LPIN3: variants seen among roughly 807,000 people sequenced by gnomAD.
The protein encoded by LPIN3 is lipin 3.
Under a neutral mutation model 94.7 loss-of-function variants are expected in LPIN3, and 82 were observed. That is an observed-to-expected ratio of 0.87 (90% CI 0.72 to 1.04). The LOEUF is 1.04. Among genes scored for constraint, LPIN3 ranks in the 50% least tolerant of loss-of-function variants. The pLI, the probability that LPIN3 is intolerant of heterozygous loss-of-function variation, is 0.00. For synonymous variants in LPIN3, 418 were observed against 443.3 expected, an observed-to-expected ratio of 0.94 and a Z score of 0.72; for missense variants, 996 against 1,090.5, an observed-to-expected ratio of 0.91 and a Z score of 1.22.
chr20:41,341,181 G>A (rs1279274894), intron 1 of LPIN3, among the ~76,000 whole-genome samples, 179 bp downstream of exon 1: 1 of 152,172 alleles, frequency 6.6e-6, no homozygotes, highest in Non-Finnish European at 1.5e-5. Flanking sequence ...CTGGCCCAGC[G>A]GCTGCAGGCC....
intron 13 of LPIN3, 57 bp from the exon 14 acceptor site, chr20:41,355,839 C>T (rs958001389): frequency 2.1e-5 from 33 of 1,600,472 alleles, no homozygotes; most frequent in Admixed American, 2.0e-4. Context: ...TGGCATCTCC[C>T]GGGAGTGAAG....
chr20:41,358,808 G>A lies in LPIN3; in HGVS notation c.2498G>A (p.Ser833Asn). Residue 833 changes from serine to asparagine, a missense_variant, in exon 20 of 20, where the codon AGT becomes AAT. Coordinates refer to ENST00000373257, the MANE Select transcript of LPIN3 (RefSeq NM_022896.3). ...ACAGACCTGGCCAACCCTGAATACA[G>A]TAACTTCTGCTACTGGCGGGAGCCA... ...PSTDLANPEY[S>N]NFCYWREPLP... The A allele has an allele frequency of 6.2e-7, 1 of 1,614,098 alleles. No homozygotes were observed. The highest frequency in any genetic ancestry group is 8.5e-7 in the Non-Finnish European group (1 of 1,180,010).
At position 41,357,890 on chromosome 20, in the gene LPIN3, A is replaced by G. The variant is rs762582110; in HGVS notation, c.2048A>G (p.Tyr683Cys). Reference sequence around the variant, plus strand: ...CTGTCCCCCACTCTCAGAAATGGGTACAAGTTCCTGTACTGCTCGGCGCGG... The same window carrying G: ...CTGTCCCCCACTCTCAGAAATGGGTGCAAGTTCCTGTACTGCTCGGCGCGG... ...SLYHKIQLNGYKFLYCSARAI... is the reference protein window; with the variant it reads ...SLYHKIQLNGCKFLYCSARAI... Residue 683 changes from tyrosine (Y) to cysteine (C), a missense_variant, in exon 17 of 20, where the codon TAC becomes TGC. Tyr to Cys is a radical substitution (Grantham distance 194). Coordinates refer to ENST00000373257, the MANE Select transcript of LPIN3 (RefSeq NM_022896.3). 1.9e-6 allele frequency: 3 copies of G among 1,614,076 alleles called. No homozygotes were observed. The highest frequency in any genetic ancestry group is 1.7e-6 in the Non-Finnish European group (2 of 1,179,984).
At position 41,350,326 on chromosome 20, in the gene LPIN3, A is replaced by C; in HGVS notation, c.1031A>C (p.Lys344Thr). 6.2e-7 allele frequency: 1 copy of C among 1,611,102 alleles called. No homozygotes were observed. The highest frequency in any genetic ancestry group is 8.5e-7 in the Non-Finnish European group (1 of 1,177,914). ...GACATGGGCCTCCCTCCTGCCTCCAAGTCATGGAGCTGGGCCACTCTGGAG... is the reference window on the plus strand; with the variant it reads ...GACATGGGCCTCCCTCCTGCCTCCACGTCATGGAGCTGGGCCACTCTGGAG... The part of the protein sequence containing the change: ...SGDMGLPPAS[K>T]SWSWATLEVP... The change falls in exon 7 of 20, where the codon AAG (lysine) becomes ACG (threonine). Residue 344 changes from lysine (K) to threonine (T), a missense_variant. Coordinates refer to ENST00000373257, the MANE Select transcript of LPIN3 (RefSeq NM_022896.3).
At chr20:41,354,516 A>T in intron 11 of LPIN3, 129 bp from the exon 12 acceptor site, 1 of 774,834 alleles carries the variant, frequency 1.3e-6, no homozygotes, top group Non-Finnish European at 2.0e-6. Context: ...TGGCCTCCAG[A>T]TGTTGACAGC....
intron 1 of LPIN3, among the ~76,000 whole-genome samples, chr20:41,344,718 C>T (rs2045706490): frequency 6.6e-6 from 1 of 152,184 alleles, no homozygotes; most frequent in Admixed American, 6.5e-5. Flanking sequence ...TGTGGGAAAG[C>T]TGGAGAGACC....
At chr20:41,347,745 C>A in intron 3 of LPIN3, 98 bp downstream of exon 3, 1 of 1,043,706 alleles carries the variant, frequency 9.6e-7, no homozygotes, top group East Asian at 2.6e-5. Context: ...CGCCCTTCCC[C>A]GGGAGCACCC....
intron 14 of LPIN3, among the ~76,000 whole-genome samples, 176 bp from the exon 15 acceptor site, chr20:41,356,864 G>C (rs2046224950): frequency 6.6e-6 from 1 of 152,180 alleles, no homozygotes; most frequent in African/African-American, 2.4e-5. Flanking sequence ...GCCACCCTCT[G>C]CCCACATGGA....
intron 9 of LPIN3, 83 bp downstream of exon 9, chr20:41,352,303 G>A (rs2046050356): frequency 1.3e-6 from 2 of 1,494,352 alleles, no homozygotes; most frequent in African/African-American, 1.4e-5. Flanking sequence ...TGTGAGGGTG[G>A]GGCAGTAGAG....
In LPIN3 at chr20:41,358,992, G is replaced by T. The variant is rs1207371851; in HGVS notation, c.*126G>T. ...CTGAAGGGGAAGGAGGAGGCTGCAG[G>T]TTGGTTGGCAGCTAGAGAGACTCCC... On this transcript the variant is annotated 3_prime_UTR_variant, in exon 20 of 20. Transcript: ENST00000373257. 3.9e-6 allele frequency: 5 copies of T among 1,279,146 alleles called. No homozygotes were observed. In the Admixed American group the frequency reaches 9.1e-5, roughly 23 times the overall value. The allele number at this position is 1,279,146 out of a possible 1,614,324, so 79.2% of individuals were successfully genotyped here. A position where few individuals can be genotyped will look rare whatever the true frequency, so the allele number is the denominator to read the frequency against.
rs745707617 is a variant in LPIN3 at position 41,358,771 on chromosome 20, C to T, written c.2461C>T (p.Arg821Cys). The T allele has an allele frequency of 1.9e-5, 30 of 1,613,988 alleles. No homozygotes were observed. In the Admixed American group the frequency reaches 2.7e-4, roughly 14 times the overall value. ...CGAGCTCCTCTTCCCACCTGTGGCCCGTGGCCCCAGCACAGACCTGGCCAA... is the reference window on the plus strand; with the variant it reads ...CGAGCTCCTCTTCCCACCTGTGGCCTGTGGCCCCAGCACAGACCTGGCCAA... ...VVELLFPPVA[R>C]GPSTDLANPE... Residue 821 changes from arginine to cysteine, a missense_variant, in exon 20 of 20, where the codon CGT (arginine) becomes TGT (cysteine). By Grantham distance (180) the Arg-to-Cys change is radical. Coordinates refer to ENST00000373257, the MANE Select transcript of LPIN3 (RefSeq NM_022896.3).
At chr20:41,351,650 A>C (rs900181257) in intron 7 of LPIN3, among the ~76,000 whole-genome samples, 171 bp from the exon 8 acceptor site, 2 of 152,148 alleles carry the variant, frequency 1.3e-5, no homozygotes, top group Admixed American at 1.3e-4. Flanking sequence ...CTCAATAGCC[A>C]CATGTGGCTA....
chr20:41,355,419 C>A (rs2046175150), intron 13 of LPIN3, among the ~76,000 whole-genome samples: 2 of 152,206 alleles, frequency 1.3e-5, no homozygotes, highest in Admixed American at 1.3e-4. Context: ...AGAGCTGACA[C>A]AGGTCCTCAG....
In LPIN3 at chr20:41,357,919, A is replaced by T. The variant is rs1279647359; in HGVS notation, c.2077A>T (p.Ile693Phe). Residue 693 changes from isoleucine to phenylalanine, a missense_variant, in exon 17 of 20, where the codon ATT becomes TTT. Coordinates refer to ENST00000373257, the MANE Select transcript of LPIN3 (RefSeq NM_022896.3). ...YKFLYCSARA[I>F]GMADLTKGYL... ...GTTCCTGTACTGCTCGGCGCGGGCC[A>T]TTGGCATGGCGGACCTCACCAAGGG... 3 of 1,614,092 alleles carry T rather than the reference A, an allele frequency of 1.9e-6. No individual in the cohort carries two copies. In the South Asian group the frequency reaches 3.3e-5, roughly 18 times the overall value.
At chr20:41,344,320 A>G (rs1183279010) in intron 1 of LPIN3, among the ~76,000 whole-genome samples, 2 of 152,198 alleles carry the variant, frequency 1.3e-5, no homozygotes, top group East Asian at 1.9e-4. Context: ...AGAGCTGGAT[A>G]TGAGTCTTTA....
intron 2 of LPIN3, among the ~76,000 whole-genome samples, chr20:41,346,234 G>A (rs1243106666): frequency 6.6e-6 from 1 of 152,228 alleles, no homozygotes; most frequent in Non-Finnish European, 1.5e-5. Flanking sequence ...TCCCAGTGCT[G>A]GGGCCGTCAG....
At chr20:41,345,715 G>T (rs1600710298) in intron 1 of LPIN3, 81 bp from the exon 2 acceptor site, 2 of 1,413,152 alleles carry the variant, frequency 1.4e-6, no homozygotes, top group South Asian at 2.7e-5. Context: ...AAACTTGGGG[G>T]TCTGTGTGGT....
rs769562939 is a variant in LPIN3 at position 41,358,434 on chromosome 20, C to G, written c.2308-5C>G. 1.9e-6 allele frequency: 3 copies of G among 1,613,474 alleles called. No individual in the cohort carries two copies. The highest frequency in any genetic ancestry group is 2.2e-5 in the South Asian group (2 of 91,064). ...CATTCCATGGGCCCCTCCTGTCTCC[C>G]ACAGGATGTCTTTGCCTACCGGCAG... On this transcript the variant is annotated splice_polypyrimidine_tract_variant and splice_region_variant and intron_variant, in intron 18 of 19. Transcript: ENST00000373257.
chr20:41,352,960 G>T, intron 11 of LPIN3, 93 bp downstream of exon 11: 2 of 1,421,684 alleles, frequency 1.4e-6, no homozygotes, highest in South Asian at 2.3e-5. Context: ...GGTGAGCAGA[G>T]ATGGGCCTGG....
Sources: allele counts gnomAD v4.1 joint callset (sites outside exome capture counted in the v4.1 genomes callset), GRCh38; gene constraint gnomAD v4.1.1; transcripts MANE v1.5; gene names NCBI Gene and HGNC (gene_info 2026-07-23, HGNC 2026-07-21).